The following VOPP1 variants were observed in gnomAD, a reference collection of about 807,000 sequenced individuals.
The protein encoded by VOPP1 is WW domain binding protein VOPP1.
Under a neutral mutation model 23.5 loss-of-function variants are expected in VOPP1, and 8 were observed. That is an observed-to-expected ratio of 0.34 (90% CI 0.20 to 0.61). The LOEUF (loss-of-function observed/expected upper bound fraction) is 0.61. Among genes scored for constraint, VOPP1 ranks in the 20% least tolerant of loss-of-function variants. The pLI, the probability that VOPP1 is intolerant of heterozygous loss-of-function variation, is 0.78. For missense variants in VOPP1, 174 were observed against 238.1 expected, an observed-to-expected ratio of 0.73 and a Z score of 1.77; for synonymous variants, 83 against 97.3, an observed-to-expected ratio of 0.85 and a Z score of 0.86.
intron 1 of VOPP1, among the ~76,000 whole-genome samples, chr7:55,556,167 C>T (rs1562627701): frequency 6.6e-6 from 1 of 152,220 alleles, no homozygotes; most frequent in Admixed American, 6.5e-5. Flanking sequence ...TGAGCTTCCT[C>T]TGAGACCTTC....
chr7:55,556,517 G>A (rs1357525809), intron 1 of VOPP1, among the ~76,000 whole-genome samples: 2 of 152,172 alleles, frequency 1.3e-5, no homozygotes, highest in East Asian at 1.9e-4. Context: ...CTCCCTCCAC[G>A]ACAGGCCATG....
intron 4 of VOPP1, among the ~76,000 whole-genome samples, chr7:55,456,427 A>AC (rs1184849717): frequency 6.6e-6 from 1 of 152,184 alleles, no homozygotes; most frequent in African/African-American, 2.4e-5. Context: ...ATACCATTTG[A>AC]CCCAGCAATC....
chr7:55,540,269 G>A (rs1375011954), intron 1 of VOPP1, among the ~76,000 whole-genome samples: 2 of 151,816 alleles, frequency 1.3e-5, no homozygotes, highest in South Asian at 2.1e-4. Flanking sequence ...ATGGTGGTGC[G>A]TGCCTGTAGT....
intron 1 of VOPP1, among the ~76,000 whole-genome samples, chr7:55,551,775 C>CA (rs1797616090): frequency 6.6e-6 from 1 of 152,066 alleles, no homozygotes; most frequent in Non-Finnish European, 1.5e-5. Context: ...CGGGGTGGCT[C>CA]ACGCCTGTAA....
chr7:55,509,619 C>T (rs1319631511), intron 2 of VOPP1, among the ~76,000 whole-genome samples: 1 of 152,204 alleles, frequency 6.6e-6, no homozygotes, highest in Non-Finnish European at 1.5e-5. Context: ...TAAGCAAATG[C>T]TCAGAACTCT....
chr7:55,559,103 C>T (rs1007812940), intron 1 of VOPP1, among the ~76,000 whole-genome samples: 2 of 152,162 alleles, frequency 1.3e-5, no homozygotes, highest in Non-Finnish European at 2.9e-5. Flanking sequence ...GCTCCCTCAT[C>T]ATCAGAGGGA....
intron 1 of VOPP1, among the ~76,000 whole-genome samples, chr7:55,561,042 A>T (rs1446419593): frequency 6.6e-6 from 1 of 152,052 alleles, no homozygotes; most frequent in Non-Finnish European, 1.5e-5. Context: ...TGTATCCAAG[A>T]CTGCCCGAAA....
intron 4 of VOPP1, among the ~76,000 whole-genome samples, chr7:55,437,169 T>C (rs1208916042): frequency 2.0e-5 from 3 of 152,124 alleles, no homozygotes; most frequent in Non-Finnish European, 2.9e-5. Flanking sequence ...GGAAACTAGG[T>C]GTGATCCCCA....
At chr7:55,499,934 ATGTGTGTGTGCC>A (rs755655603) in intron 2 of VOPP1, among the ~76,000 whole-genome samples, 3 of 152,110 alleles carry the variant, frequency 2.0e-5, no homozygotes, top group Non-Finnish European at 4.4e-5. Flanking sequence ...CGGTTGATCA[ATGTGTGTGTGCC>A]TGTGTGTGTG....
intron 1 of VOPP1, among the ~76,000 whole-genome samples, chr7:55,536,175 T>C (rs552078315): frequency 2.6e-4 from 39 of 152,308 alleles, no homozygotes; most frequent in African/African-American, 9.4e-4. Flanking sequence ...TACTTGGATT[T>C]GACTATACAC....
intron 1 of VOPP1, chr7:55,552,871 C>A (rs1797668348): frequency 4.4e-6 from 6 of 1,367,708 alleles, no homozygotes; most frequent in Non-Finnish European, 5.7e-6. Flanking sequence ...AACAGGATTT[C>A]CTCCTAGACT....
chr7:55,511,634 T>C (rs933853227), intron 2 of VOPP1, among the ~76,000 whole-genome samples: 4 of 152,230 alleles, frequency 2.6e-5, no homozygotes, highest in Non-Finnish European at 4.4e-5. Context: ...GATAGATGCA[T>C]ATTCTGATTG....
Position 55,497,507 on chromosome 7 carries a change from C to T in VOPP1, c.191+106G>A, listed in dbSNP as rs538439936. Reference sequence around the variant, plus strand: ...TTCCTGACCAAGGCTGTCCTTGAGGCCACCACCCAAGTGAAGGTGTCGCAT... The same window carrying T: ...TTCCTGACCAAGGCTGTCCTTGAGGTCACCACCCAAGTGAAGGTGTCGCAT... On this transcript the variant is annotated intron_variant, in intron 3 of 4. Coordinates refer to ENST00000285279, the MANE Select transcript of VOPP1 (RefSeq NM_030796.5). 6.5e-6 allele frequency: 7 copies of T among 1,069,274 alleles called. No individual in the cohort carries two copies. In the Admixed American group the frequency reaches 9.6e-5, roughly 15 times the overall value. 66.2% of individuals were successfully genotyped at this position (1,069,274 alleles called of 1,614,324 possible). A position where few individuals can be genotyped will look rare whatever the true frequency, so the allele number is the denominator to read the frequency against.
chr7:55,525,672 C>T (rs867195478), intron 1 of VOPP1, among the ~76,000 whole-genome samples: 1 of 151,208 alleles, frequency 6.6e-6, no homozygotes, highest in East Asian at 1.9e-4. Context: ...GGTACTCGAT[C>T]ATCTAGGCAG....
chr7:55,512,806 C>G (rs1795166921), intron 2 of VOPP1, among the ~76,000 whole-genome samples: 1 of 152,212 alleles, frequency 6.6e-6, no homozygotes, highest in Admixed American at 6.5e-5. Context: ...GAGGGGCCTC[C>G]CCATCAGGCT....
At chr7:55,490,069 A>G (rs1239150416) in intron 4 of VOPP1, among the ~76,000 whole-genome samples, 1 of 152,074 alleles carries the variant, frequency 6.6e-6, no homozygotes, top group African/African-American at 2.4e-5. Context: ...GATGGGTCTG[A>G]GGAAGCTGTG....
chr7:55,447,067 C>A (rs1339941067), intron 4 of VOPP1, among the ~76,000 whole-genome samples: 1 of 152,190 alleles, frequency 6.6e-6, no homozygotes, highest in Admixed American at 6.5e-5. Flanking sequence ...AAAGTGAAAT[C>A]TTCCCCAGGG....
intron 2 of VOPP1, among the ~76,000 whole-genome samples, chr7:55,507,557 C>T (rs936941157): frequency 4.6e-5 from 7 of 152,168 alleles, no homozygotes; most frequent in Non-Finnish European, 5.9e-5. Flanking sequence ...TAATATTGTA[C>T]GTCTGCGAGA....
chr7:55,465,031 T>G (rs1791599537), intron 4 of VOPP1, among the ~76,000 whole-genome samples: 1 of 152,208 alleles, frequency 6.6e-6, no homozygotes, highest in African/African-American at 2.4e-5. Flanking sequence ...CCGAGCTGAT[T>G]GCAGCTGGAC....
Sources: gnomAD v4.1 joint callset for allele counts (sites outside exome capture counted in the v4.1 genomes callset) on GRCh38, gnomAD v4.1.1 for gene constraint, MANE v1.5 for transcripts, NCBI Gene and HGNC (gene_info 2026-07-23, HGNC 2026-07-21) for gene names.